Variants in HTR2C observed in about 807,000 individuals in gnomAD.
The protein encoded by HTR2C is 5-hydroxytryptamine (serotonin) receptor 2C, G protein-coupled.
A neutral mutation model predicts 21.0 loss-of-function variants in HTR2C; 5 were observed. The observed-to-expected ratio is 0.24, with a 90% confidence interval of 0.12 to 0.50. The LOEUF (loss-of-function observed/expected upper bound fraction) is 0.50. Ranked by LOEUF, HTR2C falls within the 20% of genes least tolerant of loss-of-function variation. The probability of loss-of-function intolerance (pLI) is 0.98; values close to 1 mark genes in which losing one functional copy is unlikely to be tolerated. For synonymous variants in HTR2C, 150 were observed against 145.3 expected (o/e 1.03, Z -0.23); for missense variants, 271 against 371.2 (o/e 0.73, Z 2.22).
At position 114,873,542 on chromosome X, in the gene HTR2C, T is replaced by C. The variant is rs192130160; in HGVS notation, c.550+25339T>C. On this transcript the variant is annotated intron_variant, in intron 5 of 5. Transcript: ENST00000276198. ...ATTTATCAGTACAACACCTGAATACTGTCTCAGACTTTGTTTAGAAGAAAG... is the reference window on the plus strand; with the variant it reads ...ATTTATCAGTACAACACCTGAATACCGTCTCAGACTTTGTTTAGAAGAAAG... Among the ~76,000 whole-genome samples the C allele has an allele frequency of 2.4e-3, 268 of 112,253 alleles. 1 individual carries two copies. The highest frequency in any genetic ancestry group is 7.9e-3 in the African/African-American group (246 of 31,018).
At chrX:114,778,821 G>A (rs2070086387) in intron 4 of HTR2C, among the ~76,000 whole-genome samples, 1 of 111,428 alleles carries the variant, frequency 9.0e-6, no homozygotes, top group Non-Finnish European at 1.9e-5. Flanking sequence ...ATGGAGGGCT[G>A]TGCTATTGGG....
At chrX:114,834,419 CTCT>C (rs2070760612) in intron 4 of HTR2C, among the ~76,000 whole-genome samples, 2 of 108,067 alleles carry the variant, frequency 1.9e-5, no homozygotes, top group African/African-American at 6.7e-5. Flanking sequence ...GGATAGTTAG[CTCT>C]TCTTGTTAAA....
intron 2 of HTR2C, among the ~76,000 whole-genome samples, chrX:114,720,594 C>A (rs1556420483): frequency 1.1e-5 from 1 of 94,760 alleles, no homozygotes; most frequent in Admixed American, 1.2e-4. Context: ...TATACATGTG[C>A]CATGCTGGTG....
At chrX:114,812,748 AC>A (rs1416118205) in intron 4 of HTR2C, among the ~76,000 whole-genome samples, 141 of 22,889 alleles carry the variant, frequency 6.2e-3, no homozygotes, top group African/African-American at 0.021. Context: ...AAACAAACAA[AC>A]AAACAAAAAA....
In HTR2C at chrX:114,906,576, T is replaced by C. The variant is rs1556486717; in HGVS notation, c.551-13T>C. 1.7e-6 allele frequency: 2 copies of C among 1,144,198 alleles called. No homozygotes were observed. The highest frequency in any genetic ancestry group is 1.8e-5 in the African/African-American group (1 of 55,370). 94.3% of individuals were successfully genotyped at this position (1,144,198 alleles called of 1,213,427 possible). A position where few individuals can be genotyped will look rare whatever the true frequency, so the allele number is the denominator to read the frequency against. On this transcript the variant is annotated splice_polypyrimidine_tract_variant and intron_variant, in intron 5 of 5. Transcript: ENST00000276198. ...AGATGCTATAACAACCCCCTTCCTT[T>C]TTCTTCCTTTAGGTGTATCAGTTCC...
chrX:114,905,861 G>GATCT (rs1195281279), intron 5 of HTR2C, among the ~76,000 whole-genome samples: 5 of 111,312 alleles, frequency 4.5e-5, no homozygotes, highest in African/African-American at 1.3e-4. Flanking sequence ...TGCTTCCCTA[G>GATCT]AGTACTACCT....
At chrX:114,700,460 A>G (rs1431319429) in intron 2 of HTR2C, among the ~76,000 whole-genome samples, 1 of 111,982 alleles carries the variant, frequency 8.9e-6, no homozygotes, top group Non-Finnish European at 1.9e-5. Context: ...TGAATTGGAC[A>G]TGCTCATTTT....
intron 4 of HTR2C, among the ~76,000 whole-genome samples, chrX:114,740,079 A>T (rs1239673074): frequency 9.1e-6 from 1 of 109,946 alleles, no homozygotes; most frequent in Non-Finnish European, 1.9e-5. Context: ...ACTACACTCC[A>T]GCCTGGGTGA....
chrX:114,893,658 G>A (rs1556483340), intron 5 of HTR2C, among the ~76,000 whole-genome samples: 1 of 110,713 alleles, frequency 9.0e-6, no homozygotes, highest in Non-Finnish European at 1.9e-5. Flanking sequence ...GCTTTGAATA[G>A]GAAACAAAAC....
intron 3 of HTR2C, among the ~76,000 whole-genome samples, chrX:114,731,051 A>G (rs1162293487): frequency 1.8e-5 from 2 of 111,641 alleles, no homozygotes; most frequent in African/African-American, 6.5e-5. Flanking sequence ...GATTATACAT[A>G]TATGTTTCAG....
intron 2 of HTR2C, among the ~76,000 whole-genome samples, chrX:114,619,750 T>C (rs1346783474): frequency 2.7e-5 from 3 of 111,419 alleles, no homozygotes; most frequent in Non-Finnish European, 5.6e-5. Flanking sequence ...TATACCCTAA[T>C]AGATAACATC....
chrX:114,584,888 G>A (rs1569475130), intron 1 of HTR2C, among the ~76,000 whole-genome samples: 1 of 107,515 alleles, frequency 9.3e-6, no homozygotes, highest in East Asian at 3.0e-4. Flanking sequence ...TCTCTAAGGG[G>A]ATTGGGAGCG....
At chrX:114,833,780 C>T (rs1466432313) in intron 4 of HTR2C, among the ~76,000 whole-genome samples, 69 of 110,714 alleles carry the variant, frequency 6.2e-4, no homozygotes, top group Non-Finnish European at 1.0e-3. Context: ...CTAGTTCTTT[C>T]AATTGTGATG....
At chrX:114,824,296 T>C (rs1213292140) in intron 4 of HTR2C, among the ~76,000 whole-genome samples, 3 of 111,610 alleles carry the variant, frequency 2.7e-5, no homozygotes, top group African/African-American at 9.8e-5. Context: ...CTTAAAAACA[T>C]AGGGCAGGAT....
chrX:114,845,392 C>G (rs1440409087), intron 4 of HTR2C, among the ~76,000 whole-genome samples: 1 of 110,432 alleles, frequency 9.1e-6, no homozygotes, highest in Non-Finnish European at 1.9e-5. Context: ...AAATTTATAT[C>G]TGTAAATGGC....
At chrX:114,775,986 C>T (rs2070053061) in intron 4 of HTR2C, 1 of 389,455 alleles carries the variant, frequency 2.6e-6, no homozygotes, top group East Asian at 4.4e-5. Flanking sequence ...TGTTCACAAG[C>T]AGTACAGAGG....
intron 2 of HTR2C, among the ~76,000 whole-genome samples, chrX:114,722,163 T>G (rs1402260027): frequency 1.8e-5 from 2 of 110,715 alleles, no homozygotes; most frequent in African/African-American, 3.3e-5. Context: ...TAGAATGTTC[T>G]TCCATTTGTT....
chrX:114,633,947 T>TATATAGAGAG lies in HTR2C; in HGVS notation c.-80+20067_-80+20068insTATAGAGAGA, dbSNP rs201763901. ...ATATGCATGTGTATATATATATATATAGAGAGAGAGAGAGAGATGGTAGGT... is the reference window on the plus strand; with the variant it reads ...ATATGCATGTGTATATATATATATATATATAGAGAGAGAGAGAGAGAGAGAGATGGTAGGT... On this transcript the variant is annotated intron_variant, in intron 2 of 5. Coordinates refer to ENST00000276198, the MANE Select transcript of HTR2C (RefSeq NM_000868.4). 9.2e-3 allele frequency among the ~76,000 whole-genome samples: 849 copies of TATATAGAGAG among 92,152 alleles called. 10 individuals are homozygous for TATATAGAGAG. The highest frequency in any genetic ancestry group is 0.03 in the African/African-American group (762 of 25,474). 80.0% of individuals were successfully genotyped at this position (92,152 alleles called of 115,157 possible).
intron 4 of HTR2C, among the ~76,000 whole-genome samples, chrX:114,787,396 A>T (rs1164349827): frequency 1.8e-5 from 2 of 112,036 alleles, no homozygotes; most frequent in Non-Finnish European, 3.8e-5. Flanking sequence ...GAGGAGTATG[A>T]AAAGCAGGTC....
Sources: allele counts gnomAD v4.1 joint callset (sites outside exome capture counted in the v4.1 genomes callset), GRCh38; gene constraint gnomAD v4.1.1; transcripts MANE v1.5; gene names NCBI Gene and HGNC (gene_info 2026-07-23, HGNC 2026-07-21).